Variants in SLC22A25 observed in about 807,000 individuals in gnomAD.
SLC22A25 encodes the protein MGI:2442751, MGI:2385316, MGI:3042283, MGI:3645714, MGI:3605624, MGI:2442750.
A neutral mutation model predicts 45.9 loss-of-function variants in SLC22A25; 44 were observed. That is an observed-to-expected ratio of 0.96 (90% CI 0.75 to 1.23). SLC22A25 has a LOEUF of 1.23. Ranked by LOEUF, SLC22A25 falls within the 50% of genes most tolerant of loss-of-function variation. The pLI is 0.00. For synonymous variants in SLC22A25, 283 were observed against 238.6 expected (o/e 1.19, Z -1.72); for missense variants, 800 against 666.4 (o/e 1.20, Z -2.21).
At chr11:63,195,213 A>G (rs1261240219) in intron 7 of SLC22A25, among the ~76,000 whole-genome samples, 1 of 152,172 alleles carries the variant, frequency 6.6e-6, no homozygotes, top group East Asian at 1.9e-4. Flanking sequence ...AATGTTAACA[A>G]GGATATACAG....
intron 7 of SLC22A25, among the ~76,000 whole-genome samples, chr11:63,202,025 C>T (rs954413615): frequency 1.3e-5 from 2 of 152,084 alleles, no homozygotes; most frequent in Non-Finnish European, 2.9e-5. Context: ...CATCACCTTG[C>T]CTGGGAAGTG....
chr11:63,220,165 AC>A (rs2089820800), intron 5 of SLC22A25: 2 of 389,810 alleles, frequency 5.1e-6, no homozygotes, highest in African/African-American at 2.7e-5. Flanking sequence ...TTTTGCAAAG[AC>A]AAAAAAAATC....
intron 7 of SLC22A25, among the ~76,000 whole-genome samples, chr11:63,185,021 G>T (rs930447114): frequency 6.6e-6 from 1 of 152,150 alleles, no homozygotes; most frequent in Non-Finnish European, 1.5e-5. Context: ...TAAAAATCAT[G>T]TAACACATTG....
chr11:63,240,189 AATAAAAG>A (rs1262585165), intron 1 of SLC22A25, among the ~76,000 whole-genome samples: 2 of 152,198 alleles, frequency 1.3e-5, no homozygotes, highest in Non-Finnish European at 2.9e-5. Flanking sequence ...TTAGAGTAAA[AATAAAAG>A]ATAAAAGATA....
intron 3 of SLC22A25, among the ~76,000 whole-genome samples, chr11:63,231,402 T>TG (rs2090065893): frequency 6.6e-6 from 1 of 152,244 alleles, no homozygotes; most frequent in Non-Finnish European, 1.5e-5. Context: ...TGATGGCCAG[T>TG]GGTGATGAGC....
At chr11:63,200,238 T>C (rs1013913351) in intron 7 of SLC22A25, among the ~76,000 whole-genome samples, 29 of 150,180 alleles carry the variant, frequency 1.9e-4, no homozygotes, top group African/African-American at 5.9e-4. Flanking sequence ...TTGATGAACA[T>C]CAGTGCAAAA....
intron 7 of SLC22A25, among the ~76,000 whole-genome samples, chr11:63,187,452 C>A (rs1029604696): frequency 4.6e-5 from 7 of 152,080 alleles, no homozygotes; most frequent in Non-Finnish European, 8.8e-5. Context: ...TGGGCTGAGA[C>A]AATGGGGTTT....
chr11:63,166,524 G>T (rs866717172), intron 9 of SLC22A25: 22 of 1,161,800 alleles, frequency 1.9e-5, no homozygotes, highest in Non-Finnish European at 2.3e-5. Context: ...AAAAGCAATG[G>T]ATTTTATTAG....
At chr11:63,214,777 G>C (rs975412482) in intron 7 of SLC22A25, among the ~76,000 whole-genome samples, 1 of 129,272 alleles carries the variant, frequency 7.7e-6, no homozygotes, top group South Asian at 2.5e-4. Context: ...TTAACTCTTT[G>C]TTCAGGGCTC....
chr11:63,195,122 C>T (rs535886268), intron 7 of SLC22A25, among the ~76,000 whole-genome samples: 43 of 151,888 alleles, frequency 2.8e-4, no homozygotes, highest in Non-Finnish European at 5.6e-4. Flanking sequence ...TAGAGACCTA[C>T]AAAGACACTT....
intron 8 of SLC22A25, among the ~76,000 whole-genome samples, chr11:63,183,194 T>G (rs773285629): frequency 3.3e-5 from 5 of 152,100 alleles, no homozygotes; most frequent in Non-Finnish European, 7.4e-5. Flanking sequence ...GGACTGGTGT[T>G]GGTACTGTCA....
In SLC22A25 at chr11:63,161,321, G is replaced by C. The variant is rs1443079146; in HGVS notation, c.*2503C>G. On this transcript the variant is annotated 3_prime_UTR_variant, in exon 12 of 12. Coordinates refer to ENST00000306494, the MANE Select transcript of SLC22A25 (RefSeq NM_199352.6). ...ATGAGACTTTGGACTGTAGACTTTT[G>C]AGTTAATGCTGAAATGAGTTAAAAC... Among the ~76,000 whole-genome samples, 1 of 152,142 alleles carries C rather than the reference G, an allele frequency of 6.6e-6. No homozygotes were observed. Among genetic ancestry groups the C allele is most frequent in the Non-Finnish European group, 1.5e-5 (1 of 68,032 alleles).
intron 7 of SLC22A25, among the ~76,000 whole-genome samples, chr11:63,185,719 T>C (rs1374643439): frequency 4.2e-4 from 43 of 103,430 alleles, no homozygotes; most frequent in Admixed American, 1.9e-3. Flanking sequence ...ACAGTCCCCA[T>C]AGTGTGATAT....
At chr11:63,229,171 A>G (rs986389535) in intron 4 of SLC22A25, 80 bp downstream of exon 4, 12 of 1,411,038 alleles carry the variant, frequency 8.5e-6, no homozygotes, top group Non-Finnish European at 1.1e-5. Context: ...ATGTGACTAA[A>G]GGCTGGAAGC....
Position 63,191,369 on chromosome 11 carries a change from G to A in SLC22A25, c.831-7552C>T, listed in dbSNP as rs538870853. On this transcript the variant is annotated intron_variant, in intron 7 of 11. Transcript: ENST00000306494. Reference sequence around the variant, plus strand: ...GTCAGGCATGGGATATAATCTCCTGGTATGCCGTTTGCTAAGACCATTGAA... The same window carrying A: ...GTCAGGCATGGGATATAATCTCCTGATATGCCGTTTGCTAAGACCATTGAA... Among the ~76,000 whole-genome samples the A allele has an allele frequency of 6.2e-4, 95 of 152,336 alleles. 1 individual carries two copies. The highest frequency in any genetic ancestry group is 2.2e-3 in the African/African-American group (91 of 41,590).
Position 63,214,771 on chromosome 11 carries a change from C to G in SLC22A25, c.830+2543G>C, listed in dbSNP as rs111785610. On this transcript the variant is annotated intron_variant, in intron 7 of 11. Coordinates refer to ENST00000306494, the MANE Select transcript of SLC22A25 (RefSeq NM_199352.6). Reference sequence around the variant, plus strand: ...ACGAAATGTTTAAAAGGTAACTTAACTCTTTGTTCAGGGCTCAGTCCTTTG... The same window carrying G: ...ACGAAATGTTTAAAAGGTAACTTAAGTCTTTGTTCAGGGCTCAGTCCTTTG... Among the ~76,000 whole-genome samples, 521 of 144,454 alleles carry G rather than the reference C, an allele frequency of 3.6e-3. 6 individuals carry two copies. Among genetic ancestry groups the G allele is most frequent in the African/African-American group, 0.012 (474 of 39,694 alleles). The allele number at this position is 144,454 out of a possible 152,430, so 94.8% of individuals were successfully genotyped here. A position where few individuals can be genotyped will look rare whatever the true frequency, so the allele number is the denominator to read the frequency against.
rs2089042936 is a variant in SLC22A25, at chr11:63,196,622, A to G, written c.831-12805T>C. On this transcript the variant is annotated intron_variant, in intron 7 of 11. Coordinates refer to ENST00000306494, the MANE Select transcript of SLC22A25 (RefSeq NM_199352.6). Reference sequence around the variant, plus strand: ...GCTGTATCTCAAAATAATAAGAGCTATTTATGACAAACCCACATCCAATAT... The same window carrying G: ...GCTGTATCTCAAAATAATAAGAGCTGTTTATGACAAACCCACATCCAATAT... Among the ~76,000 whole-genome samples the G allele has an allele frequency of 2.0e-5, 3 of 152,348 alleles. No homozygotes were observed. In the South Asian group the frequency reaches 6.2e-4, roughly 32 times the overall value.
At chr11:63,195,507 G>A (rs1013280507) in intron 7 of SLC22A25, among the ~76,000 whole-genome samples, 8 of 152,092 alleles carry the variant, frequency 5.3e-5, no homozygotes, top group African/African-American at 1.9e-4. Context: ...AATGACTACC[G>A]AGTACATAAC....
At chr11:63,170,377 A>G (rs935750508) in intron 9 of SLC22A25, among the ~76,000 whole-genome samples, 1 of 152,146 alleles carries the variant, frequency 6.6e-6, no homozygotes, top group Non-Finnish European at 1.5e-5. Context: ...TGAATCCAGG[A>G]ACCAGTTTAC....
Sources: gnomAD v4.1 joint callset for allele counts (sites outside exome capture counted in the v4.1 genomes callset) on GRCh38, gnomAD v4.1.1 for gene constraint, MANE v1.5 for transcripts, NCBI Gene and HGNC (gene_info 2026-07-23, HGNC 2026-07-21) for gene names.